Variants in PAK1 observed in about 807,000 individuals in gnomAD.
PAK1 encodes serine/threonine-protein kinase PAK 1.
PAK1 carries 29 observed loss-of-function variants against 67.4 expected under a neutral mutation model. That is an observed-to-expected ratio of 0.43 (90% CI 0.32 to 0.59). The LOEUF is 0.59. PAK1 is among the 20% of genes least tolerant of loss of function. PAK1 has a pLI of 0.07. For missense variants in PAK1, 337 were observed against 670.7 expected, an observed-to-expected ratio of 0.50 and a Z score of 5.50; for synonymous variants, 223 against 237.4, an observed-to-expected ratio of 0.94 and a Z score of 0.56.
At chr11:77,449,472 G>C (rs1426632997) in intron 1 of PAK1, among the ~76,000 whole-genome samples, 1 of 149,486 alleles carries the variant, frequency 6.7e-6, no homozygotes, top group African/African-American at 2.4e-5. Flanking sequence ...GCCCAGAAAG[G>C]GGATAGGGCA....
intron 1 of PAK1, among the ~76,000 whole-genome samples, chr11:77,427,362 TAGGATGAC>T (rs2138264088): frequency 6.6e-6 from 1 of 152,310 alleles, no homozygotes; most frequent in South Asian, 2.1e-4. Context: ...TTATTTTATT[TAGGATGAC>T]AGTGTAGATT....
chr11:77,364,001 G>A (rs970248673), intron 5 of PAK1, among the ~76,000 whole-genome samples: 3 of 152,226 alleles, frequency 2.0e-5, no homozygotes, highest in African/African-American at 7.2e-5. Flanking sequence ...CTGGAGATAT[G>A]GGCAATGCCC....
chr11:77,433,754 G>A (rs1296053107), intron 1 of PAK1, among the ~76,000 whole-genome samples: 1 of 152,162 alleles, frequency 6.6e-6, no homozygotes, highest in African/African-American at 2.4e-5. Context: ...ACTCCAGCGT[G>A]GGCGACAGAG....
chr11:77,420,726 G>A (rs924473189), intron 1 of PAK1, among the ~76,000 whole-genome samples: 1 of 152,180 alleles, frequency 6.6e-6, no homozygotes, highest in African/African-American at 2.4e-5. Context: ...CAATAGTGGG[G>A]TGAAGAGGAG....
chr11:77,512,358 T>A, the PAK1 span, among the ~76,000 whole-genome samples: 1 of 148,822 alleles, frequency 6.7e-6, no homozygotes, highest in Admixed American at 6.7e-5. Flanking sequence ...TCTACCCCAG[T>A]ATGTGGTCAT....
chr11:77,429,308 C>T (rs1180498530), intron 1 of PAK1, among the ~76,000 whole-genome samples: 2 of 152,056 alleles, frequency 1.3e-5, no homozygotes, highest in African/African-American at 4.8e-5. Context: ...GATTATTACC[C>T]ATTAAATAAA....
the PAK1 span, among the ~76,000 whole-genome samples, chr11:77,494,756 A>G: frequency 1.3e-5 from 2 of 152,184 alleles, no homozygotes; most frequent in Admixed American, 1.3e-4. Flanking sequence ...ATGATGACTC[A>G]CACCTGTAAT....
At chr11:77,464,799 T>C (rs1007726019) in intron 1 of PAK1, among the ~76,000 whole-genome samples, 1 of 152,238 alleles carries the variant, frequency 6.6e-6, no homozygotes, top group African/African-American at 2.4e-5. Context: ...ACAGAGTCTA[T>C]TTTTTAATAA....
chr11:77,322,947 G>C lies in PAK1; in HGVS notation c.*327C>G, dbSNP rs1938740439. 1 of 584,056 alleles carries C rather than the reference G, an allele frequency of 1.7e-6. No homozygotes were observed. The highest frequency in any genetic ancestry group is 4.5e-4 in the Middle Eastern group (1 of 2,228). 36.2% of individuals were successfully genotyped at this position (584,056 alleles called of 1,614,324 possible). A position where few individuals can be genotyped will look rare whatever the true frequency, so the allele number is the denominator to read the frequency against. On this transcript the variant is annotated 3_prime_UTR_variant, in exon 15 of 15. Transcript: ENST00000356341. Reference sequence around the variant, plus strand: ...TTATATAGTCAAGAATTAATTGTGGGAGATGGTTATGAAGGAGGTGAGGAT... The same window carrying C: ...TTATATAGTCAAGAATTAATTGTGGCAGATGGTTATGAAGGAGGTGAGGAT...
chr11:77,412,724 A>G (rs2138068206), intron 1 of PAK1, among the ~76,000 whole-genome samples: 1 of 152,298 alleles, frequency 6.6e-6, no homozygotes, highest in Non-Finnish European at 1.5e-5. Flanking sequence ...ACACCTAGCC[A>G]CTGCTACCAT....
chr11:77,363,130 T>C (rs1391723511), intron 5 of PAK1, among the ~76,000 whole-genome samples: 1 of 152,134 alleles, frequency 6.6e-6, no homozygotes, highest in African/African-American at 2.4e-5. Context: ...AAATTTTGGG[T>C]GGCTGCTGCC....
At chr11:77,490,428 C>G in the PAK1 span, among the ~76,000 whole-genome samples, 1 of 149,668 alleles carries the variant, frequency 6.7e-6, no homozygotes, top group African/African-American at 2.5e-5. Context: ...CCCCTCTGCC[C>G]GGCCAGCCGC....
intron 14 of PAK1, chr11:77,329,276 T>A (rs2136046307): frequency 6.6e-6 from 1 of 152,306 alleles, no homozygotes; most frequent in Non-Finnish European, 1.5e-5. Flanking sequence ...CCTCCCTAAC[T>A]CATTTTATGA....
At chr11:77,425,428 A>C (rs1185848576) in intron 1 of PAK1, among the ~76,000 whole-genome samples, 1 of 152,226 alleles carries the variant, frequency 6.6e-6, no homozygotes, top group African/African-American at 2.4e-5. Context: ...AGCTGCATTT[A>C]TGTGGCAACT....
intron 9 of PAK1, among the ~76,000 whole-genome samples, chr11:77,348,705 C>G (rs565058509): frequency 1.3e-5 from 2 of 152,186 alleles, no homozygotes; most frequent in Non-Finnish European, 2.9e-5. Flanking sequence ...TCCTGTTGAA[C>G]CTACCTGCTA....
At chr11:77,401,497 A>G (rs765621697) in intron 1 of PAK1, among the ~76,000 whole-genome samples, 4 of 152,226 alleles carry the variant, frequency 2.6e-5, no homozygotes, top group Non-Finnish European at 5.9e-5. Flanking sequence ...ACAAGCATAT[A>G]TAAAAGCACC....
At chr11:77,520,859 T>C in the PAK1 span, among the ~76,000 whole-genome samples, 2 of 152,058 alleles carry the variant, frequency 1.3e-5, no homozygotes, top group Non-Finnish European at 2.9e-5. Context: ...GGAGAGAAAG[T>C]GAGGTGTCGC....
chr11:77,397,445 G>A (rs1951980874), intron 1 of PAK1, among the ~76,000 whole-genome samples: 1 of 152,148 alleles, frequency 6.6e-6, no homozygotes, highest in Admixed American at 6.5e-5. Context: ...CATCACCTAT[G>A]ACCTGTAATT....
chr11:77,374,741 G>A lies in PAK1; in HGVS notation c.440-376C>T, dbSNP rs148790057. Among the ~76,000 whole-genome samples, 15 of 152,284 alleles carry A rather than the reference G, an allele frequency of 9.9e-5. No individual in the cohort carries two copies. The East Asian group carries it at 2.5e-3, about 25-fold the overall frequency. ...AGACGGTATAGCCTGCTACATACCT[G>A]GGCTATATTGTATAGCCTATTGCTT... is the stretch of plus-strand genomic sequence containing the variant. On this transcript the variant is annotated intron_variant, in intron 4 of 14. Coordinates refer to ENST00000356341, the MANE Select transcript of PAK1 (RefSeq NM_002576.5).
Sources: gnomAD v4.1 joint callset for allele counts (sites outside exome capture counted in the v4.1 genomes callset) on GRCh38, gnomAD v4.1.1 for gene constraint, MANE v1.5 for transcripts, NCBI Gene and HGNC (gene_info 2026-07-23, HGNC 2026-07-21) for gene names.